Variants in SMYD3 observed in about 807,000 individuals in gnomAD.
The protein encoded by SMYD3 is SET and MYND domain containing 3.
SMYD3 carries 36 observed loss-of-function variants against 57.7 expected under a neutral mutation model. The ratio of observed to expected loss-of-function variants is 0.62; its 90% confidence interval spans 0.48 to 0.82. The LOEUF is 0.82. Ranked by LOEUF, SMYD3 falls within the 40% of genes least tolerant of loss-of-function variation. The pLI, the probability that SMYD3 is intolerant of heterozygous loss-of-function variation, is 0.00. For synonymous variants in SMYD3, 211 were observed against 195.0 expected, an observed-to-expected ratio of 1.08 and a Z score of -0.68; for missense variants, 515 against 538.8, an observed-to-expected ratio of 0.96 and a Z score of 0.44.
intron 10 of SMYD3, among the ~76,000 whole-genome samples, chr1:245,825,137 G>T (rs751828050): frequency 6.6e-6 from 1 of 152,134 alleles, no homozygotes; most frequent in Admixed American, 6.5e-5. Context: ...ACCCAGACAC[G>T]TGAGAATGCA....
At chr1:246,456,982 A>G (rs1014757032) in intron 1 of SMYD3, among the ~76,000 whole-genome samples, 1 of 152,196 alleles carries the variant, frequency 6.6e-6, no homozygotes, top group African/African-American at 2.4e-5. Flanking sequence ...TGTAAAGTCT[A>G]CTTCCCCAAA....
intron 5 of SMYD3, among the ~76,000 whole-genome samples, chr1:246,222,868 C>T (rs1186417687): frequency 6.6e-6 from 1 of 152,140 alleles, no homozygotes; most frequent in Non-Finnish European, 1.5e-5. Flanking sequence ...CAGTAATAAT[C>T]ACGGTACATT....
intron 1 of SMYD3, among the ~76,000 whole-genome samples, chr1:246,426,752 A>T (rs2067225297): frequency 6.6e-6 from 1 of 152,090 alleles, no homozygotes; most frequent in Non-Finnish European, 1.5e-5. Context: ...TTCCTAATAA[A>T]GTAAAGTGCT....
chr1:246,055,177 GA>G (rs1227491034), intron 5 of SMYD3, among the ~76,000 whole-genome samples: 1 of 137,500 alleles, frequency 7.3e-6, no homozygotes, highest in Non-Finnish European at 1.5e-5. Flanking sequence ...CTCTGTCTCA[GA>G]AAAAAACAAA....
intron 5 of SMYD3, among the ~76,000 whole-genome samples, chr1:246,255,376 T>C (rs1388449639): frequency 6.6e-6 from 1 of 151,626 alleles, no homozygotes; most frequent in Non-Finnish European, 1.5e-5. Flanking sequence ...CTTGAGGGTT[T>C]TTATCATGAG....
chr1:245,847,664 G>T (rs772713205), intron 10 of SMYD3, among the ~76,000 whole-genome samples: 2 of 152,052 alleles, frequency 1.3e-5, no homozygotes, highest in African/African-American at 2.4e-5. Context: ...CCAAACAAGA[G>T]ACTGATTCAA....
At chr1:245,956,182 TG>T (rs2057835283) in intron 5 of SMYD3, 2 of 480,494 alleles carry the variant, frequency 4.2e-6, no homozygotes, top group Non-Finnish European at 5.4e-6. Flanking sequence ...CCTCCCAAAG[TG>T]TTGGGATTAT....
At chr1:245,950,267 C>T (rs1013946389) in intron 5 of SMYD3, among the ~76,000 whole-genome samples, 3 of 152,094 alleles carry the variant, frequency 2.0e-5, no homozygotes, top group Non-Finnish European at 4.4e-5. Context: ...TTCCATCTAC[C>T]GACCCCCACA....
intron 5 of SMYD3, among the ~76,000 whole-genome samples, chr1:246,156,939 TTTGGATAAA>T (rs2062031168): frequency 6.6e-6 from 1 of 152,170 alleles, no homozygotes; most frequent in African/African-American, 2.4e-5. Flanking sequence ...AGGTGTCTGG[TTTGGATAAA>T]CAATCCAACG....
At position 245,944,848 on chromosome 1, in the gene SMYD3, C is replaced by A. The variant is rs540178314; in HGVS notation, c.532-14911G>T. Among the ~76,000 whole-genome samples, 62 of 152,276 alleles carry A rather than the reference C, an allele frequency of 4.1e-4. No individual in the cohort carries two copies. The South Asian group carries it at 0.012, about 29-fold the overall frequency. On this transcript the variant is annotated intron_variant, in intron 5 of 11. Coordinates refer to ENST00000490107, the MANE Select transcript of SMYD3 (RefSeq NM_001167740.2). ...CAGAAATAAGACTGCACATCTACCA[C>A]CATCTGATCTTCGATAAACCTGACA...
At chr1:246,405,736 G>A (rs1323791888) in intron 1 of SMYD3, among the ~76,000 whole-genome samples, 1 of 151,770 alleles carries the variant, frequency 6.6e-6, no homozygotes, top group Non-Finnish European at 1.5e-5. Flanking sequence ...ATGAAACCCC[G>A]TCTCTACTAA....
At chr1:246,120,351 G>A (rs1336992020) in intron 5 of SMYD3, among the ~76,000 whole-genome samples, 1 of 152,046 alleles carries the variant, frequency 6.6e-6, no homozygotes, top group Admixed American at 6.5e-5. Context: ...TCATAGATGA[G>A]GGGTTTCACT....
chr1:245,883,149 T>G (rs1218285538), intron 8 of SMYD3, among the ~76,000 whole-genome samples: 3 of 152,214 alleles, frequency 2.0e-5, no homozygotes, highest in African/African-American at 7.2e-5. Context: ...CTTGAAGCTC[T>G]ATTAATACTA....
At position 246,141,154 on chromosome 1, in the gene SMYD3, C is replaced by T. The variant is rs1050516877; in HGVS notation, c.531+186047G>A. Among the ~76,000 whole-genome samples the T allele has an allele frequency of 2.6e-5, 4 of 152,154 alleles. No individual in the cohort carries two copies. The East Asian group carries it at 7.7e-4, about 29-fold the overall frequency. On this transcript the variant is annotated intron_variant, in intron 5 of 11. Transcript: ENST00000490107. ...AATTCTCAGAAAGGTTCATAGGACA[C>T]TAAATGTCTTAGGGTCACATGGAGC...
At chr1:245,955,876 GT>G (rs36039473) in intron 5 of SMYD3, 411,349 of 731,720 alleles carry the variant, frequency 0.56, 64,972 homozygotes, top group Admixed American at 0.72. Context: ...TTTGTTTTGG[GT>G]TTTTTTTTTT....
At chr1:246,431,170 T>A (rs1384865966) in intron 1 of SMYD3, among the ~76,000 whole-genome samples, 1 of 151,882 alleles carries the variant, frequency 6.6e-6, no homozygotes, top group African/African-American at 2.4e-5. Flanking sequence ...AAAAATAGTA[T>A]CTACAAAGAA....
intron 5 of SMYD3, among the ~76,000 whole-genome samples, chr1:245,941,729 G>C (rs1209838437): frequency 6.6e-6 from 1 of 151,962 alleles, no homozygotes; most frequent in Non-Finnish European, 1.5e-5. Flanking sequence ...CAACATGTTG[G>C]CCAGGCTGGT....
At chr1:245,769,540 A>G (rs1404126139) in intron 10 of SMYD3, among the ~76,000 whole-genome samples, 1 of 152,260 alleles carries the variant, frequency 6.6e-6, no homozygotes, top group East Asian at 1.9e-4. Context: ...TAGCGGGAGA[A>G]GAATACTGTA....
At chr1:245,879,641 G>T (rs1256843809) in intron 8 of SMYD3, among the ~76,000 whole-genome samples, 1 of 152,208 alleles carries the variant, frequency 6.6e-6, no homozygotes, top group Non-Finnish European at 1.5e-5. Context: ...AGGAATCTTA[G>T]AAAAGTTCCC....
Sources: gnomAD v4.1 joint callset for allele counts (sites outside exome capture counted in the v4.1 genomes callset) on GRCh38, gnomAD v4.1.1 for gene constraint, MANE v1.5 for transcripts, NCBI Gene and HGNC (gene_info 2026-07-23, HGNC 2026-07-21) for gene names.